The following ERC1 variants were observed in gnomAD, a reference collection of about 807,000 sequenced individuals.
ERC1 encodes ELKS/RAB6-interacting/CAST family member 1.
A neutral mutation model predicts 132.0 loss-of-function variants in ERC1; 56 were observed. That is an observed-to-expected ratio of 0.42 (90% CI 0.34 to 0.53). The LOEUF is 0.53. Among genes scored for constraint, ERC1 ranks in the 20% least tolerant of loss-of-function variants. ERC1 has a pLI of 0.03. For synonymous variants in ERC1, 478 were observed against 476.1 expected (o/e 1.00, Z -0.05); for missense variants, 1,202 against 1,349.9 (o/e 0.89, Z 1.72).
At chr12:1,055,524 A>C (rs893448889) in intron 2 of ERC1, among the ~76,000 whole-genome samples, 4 of 152,236 alleles carry the variant, frequency 2.6e-5, no homozygotes, top group Admixed American at 2.6e-4. Context: ...ATAGGCTTAC[A>C]CAATTAGTAT....
At chr12:1,142,415 A>G (rs1949939564) in intron 8 of ERC1, among the ~76,000 whole-genome samples, 1 of 152,230 alleles carries the variant, frequency 6.6e-6, no homozygotes, top group South Asian at 2.1e-4. Context: ...TTCTTCCTTT[A>G]CATAAAATGA....
At position 1,144,613 on chromosome 12, in the gene ERC1, G is replaced by GGTATATATATATATATATATACGT. The variant is rs1429914125; in HGVS notation, c.1737+2838_1737+2861dup. ...TTTTTATGGCTGAGTAGAATTTTGT[G>GGTATATATATATATATATATACGT]GTATATATATATATATATATACGTG... On this transcript the variant is annotated intron_variant, in intron 8 of 18. Coordinates refer to ENST00000360905, the MANE Select transcript of ERC1 (RefSeq NM_178040.4). 6.9e-3 allele frequency among the ~76,000 whole-genome samples: 874 copies of GGTATATATATATATATATATACGT among 126,238 alleles called. 10 individuals carry two copies. The highest frequency in any genetic ancestry group is 0.033 in the African/African-American group (802 of 24,308). 82.8% of individuals were successfully genotyped at this position (126,238 alleles called of 152,430 possible). A position where few individuals can be genotyped will look rare whatever the true frequency, so the allele number is the denominator to read the frequency against.
chr12:1,137,238 A>T (rs1949346917), intron 7 of ERC1, among the ~76,000 whole-genome samples: 7 of 150,788 alleles, frequency 4.6e-5, no homozygotes, highest in Admixed American at 4.6e-4. Context: ...AGCTGGGATT[A>T]TAGGCAAGCG....
intron 12 of ERC1, among the ~76,000 whole-genome samples, chr12:1,208,451 G>A (rs552417363): frequency 1.3e-5 from 2 of 152,312 alleles, no homozygotes; most frequent in African/African-American, 2.4e-5. Context: ...GAAGTAAAAA[G>A]ATTAGACACC....
chr12:1,101,842 C>A (rs1162992738), intron 3 of ERC1, among the ~76,000 whole-genome samples: 1 of 152,176 alleles, frequency 6.6e-6, no homozygotes, highest in African/African-American at 2.4e-5. Flanking sequence ...ACGGGTTGTT[C>A]ACCAAACAAG....
At chr12:1,066,655 G>C (rs990525673) in intron 2 of ERC1, among the ~76,000 whole-genome samples, 4 of 152,072 alleles carry the variant, frequency 2.6e-5, no homozygotes, top group African/African-American at 4.8e-5. Flanking sequence ...TGGCCAACAT[G>C]GTGAAACCTC....
At chr12:1,476,149 A>G (rs2093968871) in intron 18 of ERC1, among the ~76,000 whole-genome samples, 2 of 151,732 alleles carry the variant, frequency 1.3e-5, no homozygotes, top group Non-Finnish European at 2.9e-5. Flanking sequence ...CCAGCTACTC[A>G]GGAGGCTGAG....
At chr12:1,435,797 T>C (rs533212659) in intron 17 of ERC1, among the ~76,000 whole-genome samples, 19 of 152,356 alleles carry the variant, frequency 1.2e-4, no homozygotes, top group African/African-American at 4.1e-4. Context: ...ATCAGATTTC[T>C]GTATGTGACT....
At chr12:1,048,678 G>C (rs1219942576) in intron 2 of ERC1, among the ~76,000 whole-genome samples, 1 of 152,090 alleles carries the variant, frequency 6.6e-6, no homozygotes, top group Non-Finnish European at 1.5e-5. Flanking sequence ...TTCCCTTAAT[G>C]TTGTATTATA....
At chr12:1,402,614 A>AACACACAAACACACACACACACC (rs2091166166) in intron 16 of ERC1, among the ~76,000 whole-genome samples, 1 of 144,896 alleles carries the variant, frequency 6.9e-6, no homozygotes, top group African/African-American at 2.6e-5. Context: ...TGTAACCCCC[A>AACACACAAACACACACACACACC]ACACACACAC....
At chr12:1,477,433 C>T (rs1198621304) in intron 18 of ERC1, among the ~76,000 whole-genome samples, 1 of 152,084 alleles carries the variant, frequency 6.6e-6, no homozygotes, top group Non-Finnish European at 1.5e-5. Flanking sequence ...CTCAGGAAAC[C>T]CCTGCACGTG....
At chr12:1,169,631 C>T (rs1396079864) in intron 8 of ERC1, among the ~76,000 whole-genome samples, 1 of 152,144 alleles carries the variant, frequency 6.6e-6, no homozygotes, top group African/African-American at 2.4e-5. Context: ...GATATGAGTG[C>T]AAGTCAGCAT....
chr12:1,104,672 C>T, intron 3 of ERC1, 78 bp from the exon 4 acceptor site: 1 of 962,870 alleles, frequency 1.0e-6, no homozygotes, highest in East Asian at 2.4e-5. Flanking sequence ...CTTTTGCATA[C>T]ATCGGCTCTC....
intron 7 of ERC1, chr12:1,116,316 A>T: frequency 4.0e-6 from 1 of 247,462 alleles, no homozygotes; most frequent in Non-Finnish European, 7.7e-6. Flanking sequence ...ATAAAAGGAT[A>T]ATTGTAAAAG....
intron 14 of ERC1, among the ~76,000 whole-genome samples, chr12:1,268,603 T>A (rs896099196): frequency 1.3e-5 from 2 of 152,044 alleles, no homozygotes; most frequent in Non-Finnish European, 2.9e-5. Context: ...AGATTCTATG[T>A]GTGAATTAAA....
intron 14 of ERC1, among the ~76,000 whole-genome samples, chr12:1,284,178 C>T (rs1407202893): frequency 2.0e-5 from 3 of 151,858 alleles, no homozygotes; most frequent in Non-Finnish European, 2.9e-5. Flanking sequence ...CCGTGCCTGG[C>T]TTGTTTCACT....
At chr12:1,347,037 A>G (rs1421980309) in intron 15 of ERC1, among the ~76,000 whole-genome samples, 1 of 152,004 alleles carries the variant, frequency 6.6e-6, no homozygotes, top group East Asian at 1.9e-4. Flanking sequence ...TGTAGTCCAG[A>G]GAAGGTATTT....
chr12:1,216,838 A>G (rs1958477629), intron 12 of ERC1, among the ~76,000 whole-genome samples: 1 of 152,184 alleles, frequency 6.6e-6, no homozygotes, highest in Non-Finnish European at 1.5e-5. Flanking sequence ...CATATAAACA[A>G]GAAACATGAA....
intron 12 of ERC1, among the ~76,000 whole-genome samples, chr12:1,225,788 C>T (rs1024699307): frequency 2.0e-5 from 3 of 152,138 alleles, no homozygotes; most frequent in East Asian, 3.8e-4. Flanking sequence ...TTAAAGGTTG[C>T]CAGCACCATC....
Sources: allele counts gnomAD v4.1 joint callset (sites outside exome capture counted in the v4.1 genomes callset), GRCh38; gene constraint gnomAD v4.1.1; transcripts MANE v1.5; gene names NCBI Gene and HGNC (gene_info 2026-07-23, HGNC 2026-07-21).